The following IARS2 variants were observed in gnomAD, a reference collection of about 807,000 sequenced individuals.
The protein encoded by IARS2 is isoleucine--tRNA ligase, mitochondrial.
In IARS2, 56 loss-of-function variants were observed where a neutral mutation model predicts 126.3. The ratio of observed to expected loss-of-function variants is 0.44; its 90% CI spans 0.36 to 0.55. The LOEUF (loss-of-function observed/expected upper bound fraction) is 0.55. Among genes scored for constraint, IARS2 ranks in the 20% least tolerant of loss-of-function variants. IARS2 has a pLI of 0.00. For missense variants in IARS2, 1,127 were observed against 1,245.9 expected (o/e 0.90, Z 1.44); for synonymous variants, 407 against 441.1 (o/e 0.92, Z 0.97).
At chr1:220,140,061 T>C in intron 18 of IARS2, 122 bp from the exon 19 acceptor site, 1 of 670,564 alleles carries the variant, frequency 1.5e-6, no homozygotes, top group South Asian at 1.6e-5. Context: ...TTCTTGCATA[T>C]TGCCTGTTTT....
At chr1:220,129,121 G>A (rs1657210906) in intron 14 of IARS2, among the ~76,000 whole-genome samples, 1 of 152,042 alleles carries the variant, frequency 6.6e-6, no homozygotes, top group Non-Finnish European at 1.5e-5. Flanking sequence ...GGCCTCAAGT[G>A]ATCCATCTGC....
intron 11 of IARS2, among the ~76,000 whole-genome samples, chr1:220,113,377 G>A (rs189537442): frequency 8.0e-4 from 122 of 152,142 alleles, no homozygotes; most frequent in African/African-American, 2.9e-3. Flanking sequence ...TGGTAGTTAC[G>A]GTGAGTGAGG....
chr1:220,124,412 T>C (rs1026773053), intron 12 of IARS2, among the ~76,000 whole-genome samples: 4 of 152,218 alleles, frequency 2.6e-5, no homozygotes, highest in African/African-American at 9.6e-5. Flanking sequence ...GTAGTTGTTC[T>C]GAGGGAAGTG....
At chr1:220,111,354 T>G (rs770756877) in intron 11 of IARS2, among the ~76,000 whole-genome samples, 1 of 152,104 alleles carries the variant, frequency 6.6e-6, no homozygotes, top group Non-Finnish European at 1.5e-5. Context: ...TAATAAGCAG[T>G]CAGTAAAACT....
At chr1:220,136,967 G>A in intron 16 of IARS2, 56 bp downstream of exon 16, 1 of 1,039,246 alleles carries the variant, frequency 9.6e-7, no homozygotes, top group Non-Finnish European at 1.5e-6. Flanking sequence ...TAAATTGGCA[G>A]CCAAAGCCCT....
intron 11 of IARS2, among the ~76,000 whole-genome samples, chr1:220,113,759 C>T (rs1656859476): frequency 6.6e-6 from 1 of 151,936 alleles, no homozygotes; most frequent in Non-Finnish European, 1.5e-5. Flanking sequence ...ATCCTCCCAC[C>T]TCAGCCTACC....
chr1:220,100,715 A>G, intron 3 of IARS2, 66 bp downstream of exon 3: 1 of 1,274,896 alleles, frequency 7.8e-7, no homozygotes, highest in South Asian at 1.5e-5. Context: ...AAATAGTCAG[A>G]ACTTTACCAA....
At chr1:220,115,750 A>G (rs1399289044) in intron 12 of IARS2, among the ~76,000 whole-genome samples, 1 of 152,094 alleles carries the variant, frequency 6.6e-6, no homozygotes, top group Non-Finnish European at 1.5e-5. Context: ...ATTTGAACCC[A>G]GGCTTTGCCA....
intron 12 of IARS2, among the ~76,000 whole-genome samples, chr1:220,123,816 T>C (rs1571856316): frequency 6.6e-6 from 1 of 152,350 alleles, no homozygotes; most frequent in East Asian, 1.9e-4. Flanking sequence ...GATTTTGCTT[T>C]CCACAACAAT....
intron 12 of IARS2, chr1:220,118,093 A>C (rs1571853530): frequency 2.2e-6 from 1 of 447,198 alleles, no homozygotes; most frequent in East Asian, 6.8e-5. Flanking sequence ...TGCTGGAATC[A>C]AATGAGAGTC....
At chr1:220,117,182 T>C (rs1046131281) in intron 12 of IARS2, among the ~76,000 whole-genome samples, 6 of 142,416 alleles carry the variant, frequency 4.2e-5, no homozygotes, top group African/African-American at 1.6e-4. Context: ...TTGTCTCCTC[T>C]TCTTTTTTTT....
At chr1:220,136,503 G>T (rs1467439225) in intron 15 of IARS2, among the ~76,000 whole-genome samples, 2 of 151,932 alleles carry the variant, frequency 1.3e-5, no homozygotes, top group Non-Finnish European at 2.9e-5. Flanking sequence ...ACTTTGGGAG[G>T]CCGAGTTAGG....
At chr1:220,115,598 A>T (rs558230439) in intron 12 of IARS2, among the ~76,000 whole-genome samples, 11 of 152,176 alleles carry the variant, frequency 7.2e-5, no homozygotes, top group African/African-American at 2.4e-4. Context: ...ATTATAAGTG[A>T]TTTATAGTAA....
At chr1:220,108,450 G>A (rs1656726298) in intron 10 of IARS2, among the ~76,000 whole-genome samples, 2 of 151,380 alleles carry the variant, frequency 1.3e-5, no homozygotes, top group South Asian at 2.1e-4. Flanking sequence ...ACAGTGGCAC[G>A]ATCTTGGCTC....
chr1:220,105,948 C>G lies in IARS2; in HGVS notation c.1124C>G (p.Pro375Arg), dbSNP rs199869294. 76 of 1,614,086 alleles carry G rather than the reference C, an allele frequency of 4.7e-5. No homozygotes were observed. The East Asian group carries it at 1.6e-3, about 35-fold the overall frequency. ...SHPLIPDKAS[P>R]LLPANHVTMA... The stretch of plus-strand genomic sequence containing the variant: ...CCATTAATTCCTGATAAAGCCTCTC[C>G]TCTTTTACCTGCAAATCATGTGACC... Residue 375 changes from proline (P) to arginine (R), a missense_variant, in exon 9 of 23, where the codon CCT becomes CGT. Pro to Arg is a moderately radical substitution (Grantham distance 103). Coordinates refer to ENST00000366922, the MANE Select transcript of IARS2 (RefSeq NM_018060.4).
At chr1:220,106,937 C>G (rs1656693755) in intron 9 of IARS2, 124 bp from the exon 10 acceptor site, 1 of 723,728 alleles carries the variant, frequency 1.4e-6, no homozygotes, top group South Asian at 1.7e-5. Context: ...GGCCAAGTAC[C>G]TAGAATTTCA....
chr1:220,126,893 G>A (rs1312720164), intron 14 of IARS2, 50 bp downstream of exon 14: 2 of 1,316,894 alleles, frequency 1.5e-6, no homozygotes, highest in Middle Eastern at 1.8e-4. Flanking sequence ...TGAAAATATG[G>A]AATTGGTATT....
intron 14 of IARS2, among the ~76,000 whole-genome samples, chr1:220,128,976 G>A (rs1305435834): frequency 6.6e-6 from 1 of 150,560 alleles, no homozygotes; most frequent in Admixed American, 6.7e-5. Context: ...ATCTCAGCTT[G>A]AGTTCAAGTG....
In IARS2 at chr1:220,140,232, T is replaced by TA; in HGVS notation, c.2358dup (p.Arg787ThrfsTer10). ...GATTTTGGAAAAGTTGTTCGGCTGT[T>TA]ACGGACGTTTTATACCAGAGAGCTC... On this transcript the variant is annotated frameshift_variant, in exon 19 of 23. Transcript: ENST00000366922. LOFTEE classifies it high-confidence loss of function. The TA allele has an allele frequency of 1.2e-6, 2 of 1,613,384 alleles. No individual in the cohort carries two copies. The highest frequency in any genetic ancestry group is 1.7e-6 in the Non-Finnish European group (2 of 1,179,336).
Sources: gnomAD v4.1 joint callset for allele counts (sites outside exome capture counted in the v4.1 genomes callset) on GRCh38, gnomAD v4.1.1 for gene constraint, MANE v1.5 for transcripts, NCBI Gene and HGNC (gene_info 2026-07-23, HGNC 2026-07-21) for gene names.